The following LUZP2 variants were observed in gnomAD, a reference collection of about 807,000 sequenced individuals.
LUZP2 encodes leucine zipper protein 2.
Under a neutral mutation model 51.6 loss-of-function variants are expected in LUZP2, and 52 were observed. The ratio of observed to expected loss-of-function variants is 1.01; its 90% confidence interval spans 0.81 to 1.27. LUZP2 has a LOEUF of 1.27. LUZP2 is among the 50% of genes most tolerant of loss of function. LUZP2 has a pLI of 0.00. For synonymous variants in LUZP2, 154 were observed against 137.3 expected (o/e 1.12, Z -0.85); for missense variants, 436 against 395.4 (o/e 1.10, Z -0.87).
intron 1 of LUZP2, among the ~76,000 whole-genome samples, chr11:24,575,403 T>A (rs560886165): frequency 1.3e-5 from 2 of 152,282 alleles, no homozygotes; most frequent in East Asian, 3.9e-4. Context: ...TTAGGTGAAA[T>A]TATCTGGCAT....
intron 1 of LUZP2, among the ~76,000 whole-genome samples, chr11:24,664,708 T>C (rs1259907846): frequency 1.3e-5 from 2 of 152,186 alleles, no homozygotes; most frequent in Non-Finnish European, 2.9e-5. Flanking sequence ...TTGCTTCAGA[T>C]GATAAAAGCC....
intron 5 of LUZP2, among the ~76,000 whole-genome samples, chr11:24,765,509 G>C (rs1222721067): frequency 4.6e-5 from 7 of 152,036 alleles, no homozygotes; most frequent in Admixed American, 2.6e-4. Flanking sequence ...CATCTATTGA[G>C]ACAACCGTAT....
intron 5 of LUZP2, among the ~76,000 whole-genome samples, chr11:24,778,687 A>G (rs564128067): frequency 6.6e-6 from 1 of 152,174 alleles, no homozygotes; most frequent in South Asian, 2.1e-4. Flanking sequence ...AAGGAAGGAA[A>G]GATGAGAAAA....
chr11:24,791,319 T>C (rs982996521), intron 5 of LUZP2, among the ~76,000 whole-genome samples: 9 of 152,212 alleles, frequency 5.9e-5, no homozygotes, highest in Admixed American at 3.9e-4. Flanking sequence ...AAATCTGAGC[T>C]ATGTATTTGA....
chr11:24,598,357 C>G (rs77687348), intron 1 of LUZP2, among the ~76,000 whole-genome samples: 2,528 of 151,832 alleles, frequency 0.017, 65 homozygotes, highest in African/African-American at 0.059. Flanking sequence ...AAAATAAGAG[C>G]CTTATTTTGT....
At chr11:24,633,438 G>A (rs528049195) in intron 1 of LUZP2, among the ~76,000 whole-genome samples, 41 of 152,038 alleles carry the variant, frequency 2.7e-4, no homozygotes, top group African/African-American at 9.6e-4. Context: ...TCTCATGTGA[G>A]TTACCTAGCC....
At chr11:24,600,290 A>G (rs951323293) in intron 1 of LUZP2, among the ~76,000 whole-genome samples, 1 of 152,004 alleles carries the variant, frequency 6.6e-6, no homozygotes, top group Non-Finnish European at 1.5e-5. Flanking sequence ...GCTTAGGCCG[A>G]GATCAGGATT....
intron 1 of LUZP2, among the ~76,000 whole-genome samples, chr11:24,718,424 G>A (rs1270841742): frequency 6.6e-6 from 1 of 152,196 alleles, no homozygotes; most frequent in African/African-American, 2.4e-5. Flanking sequence ...ATCATTATGA[G>A]ACAAAGAGTG....
At chr11:24,953,522 A>G (rs1477264585) in intron 7 of LUZP2, among the ~76,000 whole-genome samples, 2 of 152,026 alleles carry the variant, frequency 1.3e-5, no homozygotes, top group African/African-American at 4.8e-5. Context: ...ATGTCAATTA[A>G]CTGTCAGAAA....
intron 1 of LUZP2, among the ~76,000 whole-genome samples, chr11:24,514,329 C>G (rs541215840): frequency 6.6e-6 from 1 of 152,302 alleles, no homozygotes; most frequent in Non-Finnish European, 1.5e-5. Flanking sequence ...CATGGTGAAA[C>G]TGAGAGCATT....
chr11:24,814,129 T>A (rs746325372), intron 5 of LUZP2, among the ~76,000 whole-genome samples: 3 of 152,236 alleles, frequency 2.0e-5, no homozygotes, highest in Non-Finnish European at 4.4e-5. Context: ...CTGTGGAAAC[T>A]TTCCCACCAT....
rs12576161 is a variant in LUZP2 at position 24,928,061 on chromosome 11, A to G, written c.522+13523A>G. On this transcript the variant is annotated intron_variant, in intron 7 of 11. Coordinates refer to ENST00000336930, the MANE Select transcript of LUZP2 (RefSeq NM_001009909.4). ...AGTTTGATCACTGTTGATGTATGGCAGAGCTACTGATTTGTGTACATTTAT... is the reference window on the plus strand; with the variant it reads ...AGTTTGATCACTGTTGATGTATGGCGGAGCTACTGATTTGTGTACATTTAT... Among the ~76,000 whole-genome samples the G allele has an allele frequency of 6.4e-3, 970 of 152,206 alleles. 18 individuals are homozygous for G. Among genetic ancestry groups the G allele is most frequent in the East Asian group, 0.061 (314 of 5,164 alleles).
At chr11:24,596,254 C>A (rs1400952269) in intron 1 of LUZP2, among the ~76,000 whole-genome samples, 5 of 152,108 alleles carry the variant, frequency 3.3e-5, no homozygotes, top group Admixed American at 3.3e-4. Context: ...CAATACAGTA[C>A]TTTTAAAACT....
intron 10 of LUZP2, among the ~76,000 whole-genome samples, chr11:25,058,712 G>T (rs956708704): frequency 1.3e-5 from 2 of 152,158 alleles, no homozygotes; most frequent in African/African-American, 4.8e-5. Flanking sequence ...GCACCTGCTT[G>T]GGGGACATTG....
chr11:24,891,751 C>T, intron 5 of LUZP2: 2 of 889,276 alleles, frequency 2.2e-6, no homozygotes, highest in Non-Finnish European at 2.7e-6. Flanking sequence ...TGTTCTTCCC[C>T]AGATAACTTT....
chr11:24,897,326 C>G (rs1180916894), intron 5 of LUZP2, among the ~76,000 whole-genome samples: 1 of 152,176 alleles, frequency 6.6e-6, no homozygotes, highest in South Asian at 2.1e-4. Context: ...CAACCCGCCT[C>G]TGTGGAAGCT....
chr11:24,716,887 C>T (rs1858065300), intron 1 of LUZP2, among the ~76,000 whole-genome samples: 1 of 146,998 alleles, frequency 6.8e-6, no homozygotes, highest in African/African-American at 2.5e-5. Flanking sequence ...CAGAGTGAGA[C>T]TACATCTCAA....
chr11:24,713,278 G>T (rs954045528), intron 1 of LUZP2, among the ~76,000 whole-genome samples: 1 of 151,994 alleles, frequency 6.6e-6, no homozygotes, highest in African/African-American at 2.4e-5. Context: ...TTGTGGGCAG[G>T]TATTGAAAAT....
At chr11:24,805,920 C>A (rs1403589044) in intron 5 of LUZP2, among the ~76,000 whole-genome samples, 1 of 152,052 alleles carries the variant, frequency 6.6e-6, no homozygotes, top group Non-Finnish European at 1.5e-5. Flanking sequence ...AGGCTTATTG[C>A]AGGGGTTTTA....
Sources: gnomAD v4.1 joint callset for allele counts (sites outside exome capture counted in the v4.1 genomes callset) on GRCh38, gnomAD v4.1.1 for gene constraint, MANE v1.5 for transcripts, NCBI Gene and HGNC (gene_info 2026-07-23, HGNC 2026-07-21) for gene names.